KIAA0513: variants seen among roughly 807,000 people sequenced by gnomAD.
KIAA0513 encodes uncharacterized protein KIAA0513.
KIAA0513 carries 39 observed loss-of-function variants against 56.5 expected under a neutral mutation model. The observed-to-expected ratio is 0.69, with a 90% CI of 0.53 to 0.90. KIAA0513 has a LOEUF of 0.90. Among genes scored for constraint, KIAA0513 ranks in the 40% least tolerant of loss-of-function variants. KIAA0513 has a pLI of 0.00. For synonymous variants in KIAA0513, 268 were observed against 215.6 expected (o/e 1.24, Z -2.13); for missense variants, 591 against 535.2 (o/e 1.10, Z -1.03).
chr16:85,071,735 GA>G lies in KIAA0513; in HGVS notation c.330-44del, dbSNP rs1456853691. 4 of 1,393,840 alleles carry G rather than the reference GA, an allele frequency of 2.9e-6. No homozygotes were observed. The South Asian group carries it at 5.1e-5, about 18-fold the overall frequency. The allele number at this position is 1,393,840 out of a possible 1,614,324, so 86.3% of individuals were successfully genotyped here. A position where few individuals can be genotyped will look rare whatever the true frequency, so the allele number is the denominator to read the frequency against. On this transcript the variant is annotated intron_variant, in intron 2 of 12. Coordinates refer to ENST00000683363, the MANE Select transcript of KIAA0513 (RefSeq NM_001388359.1). ...TCTTCCCCTGTTGCTCCAGGGGATTGAAAAGGGTTTTTTTTTTTTTTCCTCT... is the reference window on the plus strand; with the variant it reads ...TCTTCCCCTGTTGCTCCAGGGGATTGAAAGGGTTTTTTTTTTTTTTCCTCT...
intron 1 of KIAA0513, among the ~76,000 whole-genome samples, chr16:85,036,136 C>T (rs1381700755): frequency 3.3e-5 from 5 of 151,920 alleles, no homozygotes; most frequent in Admixed American, 3.3e-4. Flanking sequence ...TTTAAACAGC[C>T]TTCTTTCCTC....
At chr16:85,048,497 C>T (rs1188511665) in intron 1 of KIAA0513, among the ~76,000 whole-genome samples, 1 of 151,774 alleles carries the variant, frequency 6.6e-6, no homozygotes, top group African/African-American at 2.4e-5. Context: ...CTCTCTCTCT[C>T]TCTCTCTTTC....
chr16:85,034,279 C>G (rs1056283606), intron 1 of KIAA0513, among the ~76,000 whole-genome samples: 2 of 152,150 alleles, frequency 1.3e-5, no homozygotes, highest in African/African-American at 4.8e-5. Context: ...ACTAAGGAGG[C>G]TGAGGCAGGA....
chr16:85,063,310 G>A (rs1335628662), intron 1 of KIAA0513: 1 of 152,282 alleles, frequency 6.6e-6, no homozygotes, highest in African/African-American at 2.4e-5. Context: ...GTATTTCCCA[G>A]GCTGGAGTGC....
chr16:85,072,073 C>G (rs150124732), intron 3 of KIAA0513, among the ~76,000 whole-genome samples, 191 bp downstream of exon 3: 2 of 152,270 alleles, frequency 1.3e-5, no homozygotes, highest in African/African-American at 4.8e-5. Context: ...AAGAAACAGT[C>G]TGGGCACAGT....
intron 3 of KIAA0513, 65 bp downstream of exon 3, chr16:85,071,947 A>T (rs1197634080): frequency 5.4e-6 from 6 of 1,119,674 alleles, no homozygotes; most frequent in Non-Finnish European, 6.7e-6. Context: ...GAAGCATAAC[A>T]AATTTGACTT....
At chr16:85,082,949 C>T (rs1439920708) in intron 10 of KIAA0513, among the ~76,000 whole-genome samples, 1 of 152,268 alleles carries the variant, frequency 6.6e-6, no homozygotes, top group Non-Finnish European at 1.5e-5. Flanking sequence ...GTGCTCTCCA[C>T]CAGCCACTCC....
chr16:85,041,777 C>G (rs956370462), intron 1 of KIAA0513, among the ~76,000 whole-genome samples: 1 of 152,198 alleles, frequency 6.6e-6, no homozygotes, highest in Non-Finnish European at 1.5e-5. Context: ...CCCTGTTTCT[C>G]TGTGTTACCC....
intron 1 of KIAA0513, among the ~76,000 whole-genome samples, chr16:85,051,777 G>A: frequency 6.6e-6 from 1 of 151,198 alleles, no homozygotes. Flanking sequence ...GATTTCTTTG[G>A]ATGCTCTCCA....
chr16:85,036,303 A>T (rs893398776), intron 1 of KIAA0513, among the ~76,000 whole-genome samples: 1 of 152,152 alleles, frequency 6.6e-6, no homozygotes, highest in African/African-American at 2.4e-5. Context: ...CACTCCATCA[A>T]CGAAACCCCT....
chr16:85,038,747 A>T lies in KIAA0513; in HGVS notation c.-173+10889A>T, dbSNP rs531851498. ...AATAATAATAATAATATCTTTGTTG[A>T]TAGATTCTATTTAACTCAATGTATC... is the stretch of plus-strand genomic sequence containing the variant. On this transcript the variant is annotated intron_variant, in intron 1 of 12. Transcript: ENST00000683363. Among the ~76,000 whole-genome samples, 3 of 150,226 alleles carry T rather than the reference A, an allele frequency of 2.0e-5. No individual in the cohort carries two copies. In the East Asian group the frequency reaches 5.8e-4, roughly 29 times the overall value.
At chr16:85,068,827 G>A (rs1026336364) in intron 2 of KIAA0513, among the ~76,000 whole-genome samples, 1 of 152,132 alleles carries the variant, frequency 6.6e-6, no homozygotes, top group South Asian at 2.1e-4. Context: ...CTCCGCCAAC[G>A]CTTGTCTCAC....
chr16:85,070,435 T>A (rs1369352614), intron 2 of KIAA0513, among the ~76,000 whole-genome samples: 1 of 152,106 alleles, frequency 6.6e-6, no homozygotes, highest in Non-Finnish European at 1.5e-5. Flanking sequence ...TCCCAGCACT[T>A]TGGGAGGCGA....
At chr16:85,046,106 G>C (rs1490777071) in intron 1 of KIAA0513, among the ~76,000 whole-genome samples, 1 of 152,174 alleles carries the variant, frequency 6.6e-6, no homozygotes, top group East Asian at 1.9e-4. Flanking sequence ...AGCTGCTTCG[G>C]CCCTTCCCTT....
At chr16:85,047,378 C>T (rs1470708282) in intron 1 of KIAA0513, among the ~76,000 whole-genome samples, 1 of 152,182 alleles carries the variant, frequency 6.6e-6, no homozygotes, top group South Asian at 2.1e-4. Context: ...CGAGCACTTT[C>T]CGGTTTCCTG....
At chr16:85,077,287 C>T in intron 5 of KIAA0513, 138 bp from the exon 6 acceptor site, 2 of 759,412 alleles carry the variant, frequency 2.6e-6, no homozygotes, top group Non-Finnish European at 4.2e-6. Flanking sequence ...CCTGCACCAC[C>T]CCCTGTCCTC....
chr16:85,071,780 T>TA lies in KIAA0513; in HGVS notation c.330-2dup, dbSNP rs2073578966. ...TTCCTCTGCTCTTTTTTTTTTTTTT[T>TA]AGGGAGGACTTGGATCAGGAGGAGA... On this transcript the variant is annotated splice_polypyrimidine_tract_variant and splice_region_variant and intron_variant, in intron 2 of 12. Coordinates refer to ENST00000683363, the MANE Select transcript of KIAA0513 (RefSeq NM_001388359.1). 2 of 1,567,886 alleles carry TA rather than the reference T, an allele frequency of 1.3e-6. No individual in the cohort carries two copies. The highest frequency in any genetic ancestry group is 1.7e-6 in the Non-Finnish European group (2 of 1,159,862).
At chr16:85,033,744 T>A (rs2072998250) in intron 1 of KIAA0513, among the ~76,000 whole-genome samples, 2 of 152,182 alleles carry the variant, frequency 1.3e-5, no homozygotes, top group African/African-American at 4.8e-5. Flanking sequence ...CACCTGGAGA[T>A]GCCTCAATTC....
chr16:85,036,624 C>G (rs2073039934), intron 1 of KIAA0513, among the ~76,000 whole-genome samples: 1 of 152,104 alleles, frequency 6.6e-6, no homozygotes, highest in Admixed American at 6.6e-5. Flanking sequence ...GGTGGACGAG[C>G]AGGCAGTAGC....
Sources: allele counts gnomAD v4.1 joint callset (sites outside exome capture counted in the v4.1 genomes callset), GRCh38; gene constraint gnomAD v4.1.1; transcripts MANE v1.5; gene names NCBI Gene and HGNC (gene_info 2026-07-23, HGNC 2026-07-21).